EMC4: variants seen among roughly 807,000 people sequenced by gnomAD.
EMC4 encodes cell proliferation-inducing gene 17 protein.
Under a neutral mutation model 24.2 loss-of-function variants are expected in EMC4, and 9 were observed. That is an observed-to-expected ratio of 0.37 (90% confidence interval 0.22 to 0.65). The LOEUF (loss-of-function observed/expected upper bound fraction) is 0.65. Ranked by LOEUF, EMC4 falls within the 30% of genes least tolerant of loss-of-function variation. The probability of loss-of-function intolerance (pLI) is 0.59; values close to 1 mark genes in which losing one functional copy is unlikely to be tolerated. For missense variants in EMC4, 169 were observed against 234.6 expected, an observed-to-expected ratio of 0.72 and a Z score of 1.83; for synonymous variants, 86 against 81.1, an observed-to-expected ratio of 1.06 and a Z score of -0.32.
Position 34,227,971 on chromosome 15 carries a change from G to A in EMC4, c.355+125G>A, listed in dbSNP as rs1164394373. The A allele has an allele frequency of 1.1e-4, 107 of 1,003,062 alleles. 3 individuals carry two copies. In the South Asian group the frequency reaches 1.6e-3, roughly 15 times the overall value. 62.1% of individuals were successfully genotyped at this position (1,003,062 alleles called of 1,614,324 possible). ...GCCAAGCTGGGTGGATCATCTGAGG[G>A]CAGGAGTTCGAGACCAGCCTGGCCA... On this transcript the variant is annotated intron_variant, in intron 3 of 4. Transcript: ENST00000267750.
chr15:34,226,236 T>G (rs1890647453), intron 2 of EMC4: 5 of 165,734 alleles, frequency 3.0e-5, no homozygotes, highest in Admixed American at 2.8e-4. Flanking sequence ...TTTGTTACAT[T>G]TTTTCTAGAA....
intron 2 of EMC4, chr15:34,227,061 A>C (rs1231940539): frequency 6.6e-6 from 1 of 152,168 alleles, no homozygotes; most frequent in East Asian, 1.9e-4. Flanking sequence ...CTATAAAATT[A>C]TTTCTAGTTT....
chr15:34,230,061 A>T lies in EMC4; in HGVS notation c.*273A>T, dbSNP rs561846187. Reference sequence around the variant, plus strand: ...GAGCAAAACAACAACAAAAAAACATAACTATGTAAACAAGAGAATAACTGC... The same window carrying T: ...GAGCAAAACAACAACAAAAAAACATTACTATGTAAACAAGAGAATAACTGC... On this transcript the variant is annotated 3_prime_UTR_variant, in exon 5 of 5. Coordinates refer to ENST00000267750, the MANE Select transcript of EMC4 (RefSeq NM_016454.4). 9.2e-6 allele frequency: 4 copies of T among 434,814 alleles called. No individual in the cohort carries two copies. Among genetic ancestry groups the T allele is most frequent in the Non-Finnish European group, 1.6e-5 (4 of 246,406 alleles). The allele number at this position is 434,814 out of a possible 1,614,324, so 26.9% of individuals were successfully genotyped here.
In EMC4 at chr15:34,229,712, C is replaced by A. The variant is rs1890787783; in HGVS notation, c.517-41C>A. ...TGATTCAGGAAGTTATTTTAACACT[C>A]ATTTGCCACTCACCTATTTATTCTT... On this transcript the variant is annotated intron_variant, in intron 4 of 4. Transcript: ENST00000267750. 4 of 1,073,146 alleles carry A rather than the reference C, an allele frequency of 3.7e-6. No homozygotes were observed. In the South Asian group the frequency reaches 4.2e-5, roughly 11 times the overall value. The allele number at this position is 1,073,146 out of a possible 1,614,324, so 66.5% of individuals were successfully genotyped here. A position where few individuals can be genotyped will look rare whatever the true frequency, so the allele number is the denominator to read the frequency against.
intron 4 of EMC4, 179 bp downstream of exon 4, chr15:34,228,768 T>G (rs1418605819): frequency 2.2e-6 from 1 of 448,958 alleles, no homozygotes; most frequent in East Asian, 4.1e-5. Context: ...CTCGGCAACC[T>G]CCGCCTCCTG....
intron 4 of EMC4, 137 bp downstream of exon 4, chr15:34,228,726 C>CT (rs1390996715): frequency 4.1e-6 from 3 of 736,752 alleles, no homozygotes; most frequent in African/African-American, 2.3e-5. Flanking sequence ...GAGTATTGCT[C>CT]TGTCGCCCAG....
Position 34,230,059 on chromosome 15 carries a change from A to G in EMC4, c.*271A>G, listed in dbSNP as rs371851468. The G allele has an allele frequency of 1.8e-5, 8 of 438,182 alleles. No individual in the cohort carries two copies. The highest frequency in any genetic ancestry group is 9.4e-5 in the South Asian group (2 of 21,320). The allele number at this position is 438,182 out of a possible 1,614,324, so 27.1% of individuals were successfully genotyped here. ...CAGAGCAAAACAACAACAAAAAAAC[A>G]TAACTATGTAAACAAGAGAATAACT... On this transcript the variant is annotated 3_prime_UTR_variant, in exon 5 of 5. Coordinates refer to ENST00000267750, the MANE Select transcript of EMC4 (RefSeq NM_016454.4).
At chr15:34,228,938 T>C in intron 4 of EMC4, 2 of 196,826 alleles carry the variant, frequency 1.0e-5, no homozygotes, top group Non-Finnish European at 1.0e-5. Flanking sequence ...CCTGCCCACC[T>C]CTGCCTCCCA....
Position 34,225,167 on chromosome 15 carries a change from C to T in EMC4, c.53C>T (p.Ala18Val), listed in dbSNP as rs1403750249. 1 of 1,551,418 alleles carries T rather than the reference C, an allele frequency of 6.4e-7. No homozygotes were observed. The highest frequency in any genetic ancestry group is 8.7e-7 in the Non-Finnish European group (1 of 1,146,854). ...AACCGAGGCCGGCGCTTCAAGTGGG[C>T]CATTGAGCTAAGCGGGCCTGGAGGA... ...VANRGRRFKW[A>V]IELSGPGGGS... Residue 18 changes from alanine to valine, a missense_variant, in exon 1 of 5, where the codon GCC becomes GTC. Ala to Val is a moderately conservative substitution (Grantham distance 64). Coordinates refer to ENST00000267750, the MANE Select transcript of EMC4 (RefSeq NM_016454.4).
chr15:34,229,779 G>A lies in EMC4; in HGVS notation c.543G>A (p.Leu181=). 1 of 1,608,338 alleles carries A rather than the reference G, an allele frequency of 6.2e-7. No individual in the cohort carries two copies. Among genetic ancestry groups the A allele is most frequent in the Non-Finnish European group, 8.5e-7 (1 of 1,177,096 alleles). ...GAATGGAGTTCAGTGGTGGAGGACT[G>A]CTTTTGTGAACATGAGAAAGCAGCG... ...PERMEFSGGG[L]LL is the part of the protein sequence containing the mutation. Residue 181 remains leucine, a synonymous_variant, in exon 5 of 5, where the codon CTG becomes CTA. Coordinates refer to ENST00000267750, the MANE Select transcript of EMC4 (RefSeq NM_016454.4).
At chr15:34,228,387 G>C in intron 3 of EMC4, 42 bp from the exon 4 acceptor site, 1 of 1,604,684 alleles carries the variant, frequency 6.2e-7, no homozygotes. Context: ...CGTATTGGGG[G>C]AAAGAGTTCT....
chr15:34,225,505 G>A (rs767441655), intron 1 of EMC4, 31 bp from the exon 2 acceptor site: 2 of 1,503,624 alleles, frequency 1.3e-6, no homozygotes, highest in East Asian at 4.5e-5. Flanking sequence ...ATCGGAGGTT[G>A]CAGCTTTAGT....
In EMC4 at chr15:34,228,486, T is replaced by C. The variant is rs116858574; in HGVS notation, c.413T>C (p.Ile138Thr). 0.011 allele frequency: 17,717 copies of C among 1,614,118 alleles called. 135 individuals carry two copies. Among genetic ancestry groups the C allele is most frequent in the Non-Finnish European group, 0.014 (16,596 of 1,180,010 alleles). The change falls in exon 4 of 5, where the codon ATT becomes ACT. Residue 138 changes from isoleucine to threonine, a missense_variant. Transcript: ENST00000267750. ...QKFLQGLVYL[I>T]GNLMGLALAV... is the part of the protein sequence containing the mutation. ...TTTCTTCAGGGTTTGGTCTATCTCA[T>C]TGGGAACCTGATGGGTTTGGCATTG...
intron 4 of EMC4, 101 bp downstream of exon 4, chr15:34,228,690 T>TC: frequency 1.9e-6 from 1 of 530,200 alleles, no homozygotes; most frequent in East Asian, 6.2e-5. Context: ...GAGTTTCTTT[T>TC]TTTTTTTTTT....
At chr15:34,228,387 G>A in intron 3 of EMC4, 42 bp from the exon 4 acceptor site, 2 of 1,604,684 alleles carry the variant, frequency 1.2e-6, no homozygotes, top group South Asian at 1.1e-5. Context: ...CGTATTGGGG[G>A]AAAGAGTTCT....
chr15:34,225,834 A>T, intron 2 of EMC4, 184 bp downstream of exon 2: 1 of 665,904 alleles, frequency 1.5e-6, no homozygotes, highest in South Asian at 1.5e-5. Context: ...TTTGAAAAAT[A>T]GAAGATGTTT....
chr15:34,228,266 C>A, intron 3 of EMC4, 163 bp from the exon 4 acceptor site: 1 of 655,616 alleles, frequency 1.5e-6, no homozygotes, highest in Non-Finnish European at 2.6e-6. Flanking sequence ...ATGGTGGTGG[C>A]ATGGAGGGGA....
intron 4 of EMC4, 37 bp downstream of exon 4, chr15:34,228,626 A>G (rs778683369): frequency 6.6e-7 from 1 of 1,523,530 alleles, no homozygotes; most frequent in Non-Finnish European, 8.9e-7. Context: ...GGGTAGTTGT[A>G]GTATACAGTG....
At chr15:34,226,664 C>G (rs949808859) in intron 2 of EMC4, 1 of 152,238 alleles carries the variant, frequency 6.6e-6, no homozygotes, top group Non-Finnish European at 1.5e-5. Flanking sequence ...GCCTCAGCCT[C>G]CCGAGTAGCT....
Sources: gnomAD v4.1 joint callset for allele counts on GRCh38, gnomAD v4.1.1 for gene constraint, MANE v1.5 for transcripts, NCBI Gene and HGNC (gene_info 2026-07-23, HGNC 2026-07-21) for gene names.